PBRM1: variants seen among roughly 807,000 people sequenced by gnomAD.
PBRM1 encodes the protein polybromo 1.
In PBRM1, 27 loss-of-function variants were observed where a neutral mutation model predicts 194.5. The observed-to-expected ratio is 0.14, with a 90% CI of 0.10 to 0.19. The LOEUF (loss-of-function observed/expected upper bound fraction) is 0.19. Ranked by LOEUF, PBRM1 falls within the 10% of genes least tolerant of loss-of-function variation. The probability of loss-of-function intolerance (pLI) is 1.00; values close to 1 mark genes in which losing one functional copy is unlikely to be tolerated. For missense variants in PBRM1, 1,466 were observed against 2,077.2 expected, an observed-to-expected ratio of 0.71 and a Z score of 5.72; for synonymous variants, 655 against 693.2, an observed-to-expected ratio of 0.94 and a Z score of 0.87.
intron 8 of PBRM1, among the ~76,000 whole-genome samples, chr3:52,643,742 C>T (rs886323069): frequency 5.3e-5 from 8 of 152,120 alleles, no homozygotes; most frequent in Non-Finnish European, 8.8e-5. Context: ...GAGGCCGAGG[C>T]GGGTGGATCA....
chr3:52,604,003 G>T (rs2094174127), intron 16 of PBRM1, among the ~76,000 whole-genome samples: 1 of 152,174 alleles, frequency 6.6e-6, no homozygotes, highest in African/African-American at 2.4e-5. Flanking sequence ...TTCTCTTGGA[G>T]ATATATGGCA....
Position 52,617,140 on chromosome 3 carries a change from C to T in PBRM1, c.1818+122G>A, listed in dbSNP as rs1576816690. ...TAAACAATGAAGAAAAATCAATTAA[C>T]CTAGTCACCAAAAAGAATAATCTAA... is the stretch of plus-strand genomic sequence containing the variant. On this transcript the variant is annotated intron_variant, in intron 14 of 29. Transcript: ENST00000296302. 5.7e-6 allele frequency: 4 copies of T among 695,780 alleles called. No homozygotes were observed. In the Admixed American group the frequency reaches 1.3e-4, roughly 23 times the overall value. 43.1% of individuals were successfully genotyped at this position (695,780 alleles called of 1,614,324 possible). A position where few individuals can be genotyped will look rare whatever the true frequency, so the allele number is the denominator to read the frequency against.
chr3:52,681,969 T>C, upstream of PBRM1: 1 of 159,872 alleles, frequency 6.3e-6, no homozygotes, highest in Non-Finnish European at 1.4e-5. Context: ...TCAGTTCTCT[T>C]GTACCTATCA....
chr3:52,558,175 A>T, intron 26 of PBRM1, 74 bp downstream of exon 28: 1 of 1,087,856 alleles, frequency 9.2e-7, no homozygotes, highest in Non-Finnish European at 1.3e-6. Context: ...ACTGTGGCCT[A>T]CTCCTTATTG....
At chr3:52,639,530 C>T (rs2095985618) in intron 10 of PBRM1, among the ~76,000 whole-genome samples, 1 of 151,702 alleles carries the variant, frequency 6.6e-6, no homozygotes, top group Non-Finnish European at 1.5e-5. Context: ...ATCCTCCCAA[C>T]TCCGCCTCTG....
chr3:52,596,200 G>A (rs1243195468), intron 17 of PBRM1, among the ~76,000 whole-genome samples: 1 of 151,966 alleles, frequency 6.6e-6, no homozygotes, highest in African/African-American at 2.4e-5. Flanking sequence ...AGCACTTTGG[G>A]AGGCCGAGGC....
intron 10 of PBRM1, among the ~76,000 whole-genome samples, chr3:52,641,465 A>AAAAAAG (rs2096080731): frequency 7.6e-6 from 1 of 131,268 alleles, no homozygotes; most frequent in African/African-American, 3.6e-5. Context: ...AAAAAAAAAG[A>AAAAAAG]AAAAAAAAAG....
intron 22 of PBRM1, among the ~76,000 whole-genome samples, chr3:52,573,525 T>A (rs1033594423): frequency 3.3e-5 from 5 of 152,076 alleles, no homozygotes; most frequent in African/African-American, 9.7e-5. Context: ...TAACTCCTAA[T>A]CTCAGGTGAT....
chr3:52,672,576 C>G (rs2096974322), intron 2 of PBRM1, among the ~76,000 whole-genome samples: 1 of 148,382 alleles, frequency 6.7e-6, no homozygotes, highest in Admixed American at 6.8e-5. Flanking sequence ...CACACTGCAA[C>G]CTCTGCCTCC....
intron 29 of PBRM1, 106 bp downstream of exon 31, chr3:52,550,315 G>A (rs1382293428): frequency 4.5e-6 from 2 of 439,724 alleles, no homozygotes; most frequent in Non-Finnish European, 7.9e-6. Flanking sequence ...TATTTTAATT[G>A]TATAAGAAAA....
At chr3:52,574,629 A>C (rs117947843) in intron 22 of PBRM1, among the ~76,000 whole-genome samples, 1 of 152,226 alleles carries the variant, frequency 6.6e-6, no homozygotes, top group East Asian at 1.9e-4. Context: ...ACAATAGTGT[A>C]CATGCTCAGA....
intron 11 of PBRM1, among the ~76,000 whole-genome samples, chr3:52,630,076 G>A (rs2095567729): frequency 6.6e-6 from 1 of 152,110 alleles, no homozygotes. Flanking sequence ...ACTTGTTCCC[G>A]TCAACTCAAA....
intron 13 of PBRM1, among the ~76,000 whole-genome samples, chr3:52,623,057 A>C (rs181706441): frequency 6.6e-6 from 1 of 152,346 alleles, no homozygotes; most frequent in East Asian, 1.9e-4. Flanking sequence ...TAAGGCCATA[A>C]AGTAAACAAC....
At chr3:52,571,597 G>C (rs1310791459) in intron 22 of PBRM1, among the ~76,000 whole-genome samples, 1 of 118,358 alleles carries the variant, frequency 8.4e-6, no homozygotes, top group Non-Finnish European at 1.6e-5. Flanking sequence ...TTGCACTCCA[G>C]CCTGGGCAAC....
At chr3:52,551,592 T>A (rs895996578) in intron 27 of PBRM1, among the ~76,000 whole-genome samples, 2 of 152,204 alleles carry the variant, frequency 1.3e-5, no homozygotes, top group Non-Finnish European at 2.9e-5. Flanking sequence ...TAATGAGATG[T>A]CCTAAATTTA....
chr3:52,683,533 G>A (rs895774704), upstream of PBRM1, among the ~76,000 whole-genome samples: 7 of 152,046 alleles, frequency 4.6e-5, no homozygotes, highest in Non-Finnish European at 1.5e-5. Context: ...TGCACTTAGG[G>A]CCAGGCACAG....
Position 52,612,258 on chromosome 3 carries a change from C to CAAAAAAAAAAAAAAAAAAAAAAA in PBRM1, c.1925-2326_1925-2304dup, listed in dbSNP as rs566481465. ...TAGGCAACAGAGCGAGATTCCGTCT[C>CAAAAAAAAAAAAAAAAAAAAAAA]AAAAAAAAAAAAAAAAAAAAAAAAG... On this transcript the variant is annotated intron_variant, in intron 15 of 29. Transcript: ENST00000296302. Among the ~76,000 whole-genome samples, 29 of 24,010 alleles carry CAAAAAAAAAAAAAAAAAAAAAAA rather than the reference C, an allele frequency of 1.2e-3. 2 individuals are homozygous for CAAAAAAAAAAAAAAAAAAAAAAA. The highest frequency in any genetic ancestry group is 3.3e-3 in the South Asian group (2 of 604). The allele number at this position is 24,010 out of a possible 152,430, so 15.8% of individuals were successfully genotyped here.
intron 12 of PBRM1, among the ~76,000 whole-genome samples, chr3:52,628,230 A>G (rs995245550): frequency 6.6e-6 from 1 of 152,042 alleles, no homozygotes; most frequent in East Asian, 1.9e-4. Context: ...AAATGATGGA[A>G]TATCATCGGT....
At chr3:52,623,290 C>T (rs1231462660) in intron 13 of PBRM1, among the ~76,000 whole-genome samples, 3 of 152,310 alleles carry the variant, frequency 2.0e-5, no homozygotes, top group East Asian at 3.9e-4. Flanking sequence ...CACAGCAAGA[C>T]CCTGTTTCCT....
Sources: allele counts gnomAD v4.1 joint callset (sites outside exome capture counted in the v4.1 genomes callset), GRCh38; gene constraint gnomAD v4.1.1; transcripts MANE v1.5; gene names NCBI Gene and HGNC (gene_info 2026-07-23, HGNC 2026-07-21).